Variants in NKAIN2 observed in about 807,000 individuals in gnomAD.
The protein encoded by NKAIN2 is sodium/potassium-transporting ATPase subunit beta-1-interacting protein 2.
In NKAIN2, 14 loss-of-function variants were observed where a neutral mutation model predicts 32.6. That is an observed-to-expected ratio of 0.43 (90% confidence interval 0.28 to 0.67). The LOEUF (loss-of-function observed/expected upper bound fraction) is 0.67. Ranked by LOEUF, NKAIN2 falls within the 30% of genes least tolerant of loss-of-function variation. The pLI is 0.17. For synonymous variants in NKAIN2, 80 were observed against 87.2 expected (o/e 0.92, Z 0.46); for missense variants, 198 against 258.3 (o/e 0.77, Z 1.60).
chr6:124,055,402 T>C (rs1782597527), intron 1 of NKAIN2, among the ~76,000 whole-genome samples: 1 of 152,102 alleles, frequency 6.6e-6, no homozygotes, highest in Admixed American at 6.6e-5. Context: ...GAAAAACTGT[T>C]ACTCTTAAAG....
rs577591704 is a variant in NKAIN2 at position 124,614,786 on chromosome 6, T to C, written c.274-43400T>C. ...AATCTGAGAGTATGTCACAGAGATA[T>C]AGCTCAGAACCTCACATATAGCGTG... On this transcript the variant is annotated intron_variant, in intron 3 of 6. Transcript: ENST00000368417. 3.3e-5 allele frequency among the ~76,000 whole-genome samples: 5 copies of C among 152,290 alleles called. No homozygotes were observed. In the East Asian group the frequency reaches 7.7e-4, roughly 24 times the overall value.
intron 1 of NKAIN2, among the ~76,000 whole-genome samples, chr6:123,922,057 T>G (rs1363642377): frequency 6.6e-6 from 1 of 152,222 alleles, no homozygotes; most frequent in Non-Finnish European, 1.5e-5. Flanking sequence ...TGACCTTACA[T>G]TCTTCATTAG....
intron 4 of NKAIN2, among the ~76,000 whole-genome samples, chr6:124,767,920 T>G (rs1433899042): frequency 6.6e-6 from 1 of 152,248 alleles, no homozygotes; most frequent in Non-Finnish European, 1.5e-5. Flanking sequence ...CATGATGCTA[T>G]GCACAGCACA....
rs192375171 is a variant in NKAIN2, at chr6:123,932,381, G to T, written c.54+128127G>T. ...TTTACAAATCAACATGTGTGGAGTA[G>T]AGAAGTTTGGCCTTTTCTGTCTTTC... On this transcript the variant is annotated intron_variant, in intron 1 of 6. Transcript: ENST00000368417. Among the ~76,000 whole-genome samples, 350 of 128,776 alleles carry T rather than the reference G, an allele frequency of 2.7e-3. 1 individual carries two copies. The highest frequency in any genetic ancestry group is 0.013 in the African/African-American group (323 of 25,384). 84.5% of individuals were successfully genotyped at this position (128,776 alleles called of 152,430 possible). A position where few individuals can be genotyped will look rare whatever the true frequency, so the allele number is the denominator to read the frequency against.
intron 1 of NKAIN2, among the ~76,000 whole-genome samples, chr6:124,201,928 G>C (rs1358029956): frequency 1.3e-5 from 2 of 151,824 alleles, no homozygotes; most frequent in Non-Finnish European, 2.9e-5. Context: ...TGTATTTTCT[G>C]CACAGATTTC....
intron 3 of NKAIN2, among the ~76,000 whole-genome samples, chr6:124,364,510 A>C (rs997897997): frequency 6.6e-6 from 1 of 152,030 alleles, no homozygotes; most frequent in African/African-American, 2.4e-5. Context: ...AGATTATAAG[A>C]GGTGCCAAAG....
chr6:124,696,768 A>ATTT (rs140409570), intron 4 of NKAIN2, among the ~76,000 whole-genome samples: 4 of 138,960 alleles, frequency 2.9e-5, no homozygotes, highest in South Asian at 2.3e-4. Context: ...AAAAGGATCT[A>ATTT]TTTTTTTTTT....
At chr6:124,195,791 A>G (rs898236895) in intron 1 of NKAIN2, among the ~76,000 whole-genome samples, 33 of 152,024 alleles carry the variant, frequency 2.2e-4, no homozygotes, top group African/African-American at 7.7e-4. Flanking sequence ...TTAAATGGCT[A>G]TTTTTTTGTT....
chr6:124,593,273 G>T, intron 3 of NKAIN2, among the ~76,000 whole-genome samples: 1 of 151,978 alleles, frequency 6.6e-6, no homozygotes, highest in Admixed American at 6.6e-5. Context: ...TATGAATAAA[G>T]AATTGGAGAG....
At chr6:124,343,095 C>G (rs1165328191) in intron 2 of NKAIN2, among the ~76,000 whole-genome samples, 2 of 148,600 alleles carry the variant, frequency 1.3e-5, no homozygotes, top group African/African-American at 5.0e-5. Context: ...GGTTTTTTGT[C>G]CTTGTGATAG....
chr6:123,923,547 T>C (rs1008107924), intron 1 of NKAIN2, among the ~76,000 whole-genome samples: 1 of 151,770 alleles, frequency 6.6e-6, no homozygotes, highest in Admixed American at 6.6e-5. Flanking sequence ...AACCCAAATG[T>C]CCAACAATGA....
intron 3 of NKAIN2, among the ~76,000 whole-genome samples, chr6:124,499,646 A>G (rs1018020848): frequency 6.6e-6 from 1 of 152,178 alleles, no homozygotes; most frequent in East Asian, 1.9e-4. Flanking sequence ...AGATCCCACA[A>G]GATAAAAGAG....
chr6:124,088,746 A>G (rs1000209382), intron 1 of NKAIN2, among the ~76,000 whole-genome samples: 1 of 152,166 alleles, frequency 6.6e-6, no homozygotes, highest in Middle Eastern at 3.4e-3. Context: ...TGATTTGCAT[A>G]TGGTACATTA....
At chr6:124,117,590 G>T (rs1426987951) in intron 1 of NKAIN2, among the ~76,000 whole-genome samples, 1 of 151,828 alleles carries the variant, frequency 6.6e-6, no homozygotes, top group African/African-American at 2.4e-5. Flanking sequence ...CTAAGTAAAA[G>T]GTCTTAACAT....
chr6:123,932,322 CA>C (rs979304622), intron 1 of NKAIN2, among the ~76,000 whole-genome samples: 5 of 151,072 alleles, frequency 3.3e-5, no homozygotes, highest in Non-Finnish European at 4.4e-5. Flanking sequence ...TCCAGTAGGT[CA>C]ATGAAGAATT....
intron 4 of NKAIN2, among the ~76,000 whole-genome samples, chr6:124,731,588 A>T (rs1287750761): frequency 2.7e-5 from 4 of 146,208 alleles, no homozygotes; most frequent in Non-Finnish European, 6.0e-5. Context: ...AGGGATAGCA[A>T]TGGGAGATAT....
Position 124,641,376 on chromosome 6 carries a change from T to C in NKAIN2, c.274-16810T>C, listed in dbSNP as rs193099613. On this transcript the variant is annotated intron_variant, in intron 3 of 6. Transcript: ENST00000368417. ...GATAAGACTTGGAAAAAAGAAATAA[T>C]GGCCTTTGTTGGTACATGGACATGA... 2.0e-3 allele frequency among the ~76,000 whole-genome samples: 308 copies of C among 152,146 alleles called. 4 individuals are homozygous for C. The highest frequency in any genetic ancestry group is 7.0e-3 in the African/African-American group (290 of 41,532).
At chr6:124,753,512 C>G (rs1777822620) in intron 4 of NKAIN2, among the ~76,000 whole-genome samples, 1 of 152,044 alleles carries the variant, frequency 6.6e-6, no homozygotes, top group Non-Finnish European at 1.5e-5. Context: ...AGAAAAATGG[C>G]TTATTATATA....
intron 1 of NKAIN2, among the ~76,000 whole-genome samples, chr6:124,034,140 C>G (rs1781513037): frequency 6.6e-6 from 1 of 151,838 alleles, no homozygotes. Flanking sequence ...TCTTTATTTT[C>G]ATTTTAGATT....
Sources: gnomAD v4.1 joint callset for allele counts (sites outside exome capture counted in the v4.1 genomes callset) on GRCh38, gnomAD v4.1.1 for gene constraint, MANE v1.5 for transcripts, NCBI Gene and HGNC (gene_info 2026-07-23, HGNC 2026-07-21) for gene names.